RSPH14: variants seen among roughly 807,000 people sequenced by gnomAD.
RSPH14 encodes the protein rhabdoid tumor deletion region gene 1.
Under a neutral mutation model 26.7 loss-of-function variants are expected in RSPH14, and 20 were observed. The ratio of observed to expected loss-of-function variants is 0.75; its 90% CI spans 0.53 to 1.09. The LOEUF is 1.09. RSPH14 is among the 50% of genes least tolerant of loss of function. RSPH14 has a pLI of 0.00. For missense variants in RSPH14, 449 were observed against 457.2 expected (o/e 0.98, Z 0.16); for synonymous variants, 177 against 189.3 (o/e 0.93, Z 0.53).
upstream of RSPH14, among the ~76,000 whole-genome samples, chr22:23,142,589 C>T (rs1243231976): frequency 1.3e-5 from 2 of 152,234 alleles, no homozygotes; most frequent in African/African-American, 2.4e-5. Context: ...CCACCCGCCT[C>T]GGCCTCCCAA....
At chr22:23,123,044 C>T (rs768001838) in intron 4 of RSPH14, 1 of 1,341,928 alleles carries the variant, frequency 7.5e-7, no homozygotes, top group South Asian at 1.2e-5. Context: ...TCTGTCTCTG[C>T]CTGCTGCGGG....
At chr22:23,133,187 GA>G (rs2070395085) in intron 4 of RSPH14, among the ~76,000 whole-genome samples, 1 of 152,160 alleles carries the variant, frequency 6.6e-6, no homozygotes, top group Non-Finnish European at 1.5e-5. Context: ...CCATAAGCTA[GA>G]AACAATTCAG....
At position 23,063,882 on chromosome 22, in the gene RSPH14, C is replaced by T. The variant is rs758138616; in HGVS notation, c.653+20G>A. 6.2e-7 allele frequency: 1 copy of T among 1,611,848 alleles called. No homozygotes were observed. The highest frequency in any genetic ancestry group is 1.3e-5 in the African/African-American group (1 of 74,910). Reference sequence around the variant, plus strand: ...CCTTCTCCCAGCCTTGGTAGAAACCCAGCCTAGGCCAGGCCTCACCTGACA... The same window carrying T: ...CCTTCTCCCAGCCTTGGTAGAAACCTAGCCTAGGCCAGGCCTCACCTGACA... On this transcript the variant is annotated intron_variant, in intron 5 of 6. Transcript: ENST00000216036.
rs2070534856 is a variant in RSPH14 at position 23,138,947 on chromosome 22, A to G, written c.200-5T>C. 3.8e-5 allele frequency: 7 copies of G among 186,620 alleles called. No individual in the cohort carries two copies. The highest frequency in any genetic ancestry group is 8.2e-5 in the South Asian group (1 of 12,166). 11.6% of individuals were successfully genotyped at this position (186,620 alleles called of 1,614,324 possible). ...CTTTCAGGTTCTCCATACAGCCTAG[A>G]AAAAAAAAAAAAAACAAACAAACCA... On this transcript the variant is annotated splice_region_variant and splice_polypyrimidine_tract_variant and intron_variant, in intron 2 of 6. Transcript: ENST00000216036.
the RSPH14 span, chr22:23,161,614 A>G: frequency 6.8e-7 from 1 of 1,475,362 alleles, no homozygotes; most frequent in Non-Finnish European, 9.3e-7. Context: ...ACGGACAGGA[A>G]TTTCCGTGAC....
At chr22:23,078,380 G>C (rs2146262055) in intron 4 of RSPH14, among the ~76,000 whole-genome samples, 1 of 152,304 alleles carries the variant, frequency 6.6e-6, no homozygotes, top group East Asian at 1.9e-4. Flanking sequence ...GCCATGCCCA[G>C]CCTTGCCCCA....
chr22:23,158,898 G>A, the RSPH14 span: 1 of 1,613,922 alleles, frequency 6.2e-7, no homozygotes, highest in South Asian at 1.1e-5. Context: ...TACACTCCAG[G>A]CAGTGGTTGG....
intron 4 of RSPH14, among the ~76,000 whole-genome samples, chr22:23,104,273 G>T (rs924623107): frequency 6.6e-6 from 1 of 152,212 alleles, no homozygotes; most frequent in East Asian, 1.9e-4. Flanking sequence ...CCAGTCCCCA[G>T]TGTGGCCCAG....
intron 4 of RSPH14, among the ~76,000 whole-genome samples, chr22:23,072,353 C>T (rs1302636758): frequency 6.6e-6 from 1 of 152,144 alleles, no homozygotes; most frequent in Non-Finnish European, 1.5e-5. Context: ...GCGCCTTGAG[C>T]AAGCCTCATT....
intron 4 of RSPH14, among the ~76,000 whole-genome samples, chr22:23,097,300 T>C (rs1408120911): frequency 2.6e-5 from 4 of 152,218 alleles, no homozygotes; most frequent in Non-Finnish European, 5.9e-5. Flanking sequence ...GGTCACTCCT[T>C]GCTTCACCCA....
intron 5 of RSPH14, 76 bp from the exon 6 acceptor site, chr22:23,062,021 A>G: frequency 6.4e-7 from 1 of 1,555,562 alleles, no homozygotes; most frequent in South Asian, 1.1e-5. Context: ...TGCCCCAGGG[A>G]GACACAAAAG....
At chr22:23,156,142 C>T in the RSPH14 span, 2,720 of 853,470 alleles carry the variant, frequency 3.2e-3, 10 homozygotes, top group African/African-American at 6.2e-3. Context: ...TTTTGTCCTC[C>T]AAGACCCACT....
chr22:23,174,962 C>T, the RSPH14 span, among the ~76,000 whole-genome samples: 3 of 149,676 alleles, frequency 2.0e-5, no homozygotes, highest in South Asian at 2.1e-4. Flanking sequence ...AGCAAAACTC[C>T]GTCTCAAAAA....
intron 4 of RSPH14, chr22:23,124,009 C>T: frequency 4.3e-6 from 1 of 230,786 alleles, no homozygotes; most frequent in Non-Finnish European, 8.8e-6. Flanking sequence ...CGGGTGACAG[C>T]ACTAACCAGA....
intron 4 of RSPH14, among the ~76,000 whole-genome samples, chr22:23,079,356 G>A (rs1214564417): frequency 2.0e-5 from 3 of 152,210 alleles, no homozygotes; most frequent in African/African-American, 7.2e-5. Flanking sequence ...TTGGCTTTCT[G>A]GACAAAGAGT....
chr22:23,175,239 C>G, the RSPH14 span, among the ~76,000 whole-genome samples: 17 of 152,162 alleles, frequency 1.1e-4, no homozygotes, highest in Admixed American at 9.8e-4. Context: ...ACCTCATGAT[C>G]TGCCCGCCTC....
At chr22:23,170,411 T>C in the RSPH14 span, among the ~76,000 whole-genome samples, 1 of 152,118 alleles carries the variant, frequency 6.6e-6, no homozygotes, top group African/African-American at 2.4e-5. Context: ...TATCCTCACA[T>C]AGCAAAAAGA....
At chr22:23,151,269 G>T in the RSPH14 span, among the ~76,000 whole-genome samples, 2 of 152,248 alleles carry the variant, frequency 1.3e-5, no homozygotes, top group African/African-American at 4.8e-5. Flanking sequence ...TCACACAGAT[G>T]ATCTCCCTGA....
At chr22:23,145,547 C>T (rs1206311285), upstream of RSPH14, 3 of 1,600,522 alleles carry the variant, frequency 1.9e-6, no homozygotes, top group South Asian at 3.3e-5. Flanking sequence ...TCACAGCCAT[C>T]GCTGGTGAGT....
Sources: allele counts gnomAD v4.1 joint callset (sites outside exome capture counted in the v4.1 genomes callset), GRCh38; gene constraint gnomAD v4.1.1; transcripts MANE v1.5; gene names NCBI Gene and HGNC (gene_info 2026-07-23, HGNC 2026-07-21).